Variants in CCDC57 observed in about 807,000 individuals in gnomAD.
CCDC57 encodes coiled-coil domain containing 57, also known as coiled-coil domain-containing protein 57.
A neutral mutation model predicts 118.9 loss-of-function variants in CCDC57; 118 were observed. The observed-to-expected ratio is 0.99, with a 90% confidence interval of 0.86 to 1.16. CCDC57 has a LOEUF of 1.16. CCDC57 is among the 50% of genes most tolerant of loss of function. The pLI, the probability that CCDC57 is intolerant of heterozygous loss-of-function variation, is 0.00. For synonymous variants in CCDC57, 527 were observed against 532.9 expected (o/e 0.99, Z 0.15); for missense variants, 1,300 against 1,320.7 (o/e 0.98, Z 0.24).
At chr17:82,195,120 C>T in intron 5 of CCDC57, 143 bp downstream of exon 4, 3 of 682,290 alleles carry the variant, frequency 4.4e-6, no homozygotes, top group Non-Finnish European at 7.9e-6. Flanking sequence ...ACATGGCCCA[C>T]CTGCTCGCTG....
At chr17:82,148,982 GATGGGTAGATGGATGA>G (rs2041426347) in intron 16 of CCDC57, among the ~76,000 whole-genome samples, 1 of 85,432 alleles carries the variant, frequency 1.2e-5, no homozygotes, top group Non-Finnish European at 2.3e-5. Flanking sequence ...TGGGTGGGTA[GATGGGTAGATGGATGA>G]ATGGATGGGT....
intron 5 of CCDC57, 177 bp from the exon 5 acceptor site, chr17:82,194,316 T>C (rs1008281622): frequency 3.1e-6 from 2 of 653,104 alleles, no homozygotes; most frequent in Non-Finnish European, 5.0e-6. Context: ...TGACTTTTTT[T>C]TTTTTCTTTT....
chr17:82,163,481 A>G (rs907886611), intron 13 of CCDC57, 124 bp from the exon 13 acceptor site: 36 of 1,143,108 alleles, frequency 3.1e-5, no homozygotes, highest in African/African-American at 2.0e-4. Context: ...GCTGACCCCA[A>G]TGCGAAGCTG....
At chr17:82,202,982 G>T (rs1599462870) in intron 2 of CCDC57, among the ~76,000 whole-genome samples, 1 of 152,174 alleles carries the variant, frequency 6.6e-6, no homozygotes, top group African/African-American at 2.4e-5. Context: ...CCCTGCTCCT[G>T]GAAGATTCAC....
chr17:82,175,057 T>C (rs1282481553), intron 11 of CCDC57, among the ~76,000 whole-genome samples: 1 of 152,186 alleles, frequency 6.6e-6, no homozygotes, highest in Non-Finnish European at 1.5e-5. Context: ...TGAAGGACCA[T>C]TGGTAAGAAA....
At chr17:82,186,237 C>G (rs1300437845) in intron 8 of CCDC57, among the ~76,000 whole-genome samples, 1 of 152,106 alleles carries the variant, frequency 6.6e-6, no homozygotes, top group Non-Finnish European at 1.5e-5. Flanking sequence ...TTCTTACTAC[C>G]AAAATAATAC....
chr17:82,154,174 C>G (rs1417473166), intron 15 of CCDC57: 1 of 152,362 alleles, frequency 6.6e-6, no homozygotes, highest in African/African-American at 2.4e-5. Context: ...GTCAGGGAAG[C>G]CCAAAGCCAG....
intron 19 of CCDC57, chr17:82,113,288 G>A (rs1366867510): frequency 1.5e-6 from 1 of 659,816 alleles, no homozygotes; most frequent in African/African-American, 1.8e-5. Flanking sequence ...CAGAGCACTG[G>A]TTCTTGGATT....
chr17:82,181,028 G>C (rs1001884844), intron 9 of CCDC57, among the ~76,000 whole-genome samples: 4 of 151,598 alleles, frequency 2.6e-5, no homozygotes, highest in African/African-American at 4.8e-5. Context: ...TCCCCGCAGG[G>C]ACGGCAAACC....
At chr17:82,210,984 A>C (rs2050140074) in intron 1 of CCDC57, among the ~76,000 whole-genome samples, 2 of 136,824 alleles carry the variant, frequency 1.5e-5, no homozygotes, top group South Asian at 4.8e-4. Context: ...GCAAAGAGAG[A>C]CTCCGTCTTA....
intron 19 of CCDC57, among the ~76,000 whole-genome samples, chr17:82,122,166 C>T (rs2036794169): frequency 1.3e-5 from 2 of 152,232 alleles, no homozygotes; most frequent in African/African-American, 2.4e-5. Flanking sequence ...CCGCTCCTTC[C>T]TCCTTCAGAG....
chr17:82,178,605 C>G, exon 11 of CCDC57: 1 of 1,611,484 alleles, frequency 6.2e-7, no homozygotes, highest in Non-Finnish European at 8.5e-7. Context: ...TTGGCAGCAA[C>G]CTGGGAAAAA....
chr17:82,119,444 C>T (rs1421944138), intron 19 of CCDC57, among the ~76,000 whole-genome samples: 3 of 151,912 alleles, frequency 2.0e-5, no homozygotes, highest in Non-Finnish European at 2.9e-5. Context: ...CCCCCCACCC[C>T]TGTGCACCTA....
At chr17:82,126,818 A>AGCCTAAAAT in intron 19 of CCDC57, 1 of 985,466 alleles carries the variant, frequency 1.0e-6, no homozygotes, top group Non-Finnish European at 1.2e-6. Flanking sequence ...GACTGGAAAT[A>AGCCTAAAAT]GCCTAAAATG....
intron 13 of CCDC57, among the ~76,000 whole-genome samples, chr17:82,168,629 G>C (rs1162513880): frequency 6.6e-6 from 1 of 152,104 alleles, no homozygotes; most frequent in Non-Finnish European, 1.5e-5. Flanking sequence ...ATAAAAGAGA[G>C]AGGTAGGTAA....
chr17:82,182,556 G>A (rs1206588840), intron 9 of CCDC57, among the ~76,000 whole-genome samples: 1 of 152,092 alleles, frequency 6.6e-6, no homozygotes, highest in Non-Finnish European at 1.5e-5. Flanking sequence ...GTTTTACCAT[G>A]TTGTCCAGGC....
intron 16 of CCDC57, among the ~76,000 whole-genome samples, chr17:82,136,528 A>G (rs761491290): frequency 6.6e-6 from 1 of 150,906 alleles, no homozygotes; most frequent in Non-Finnish European, 1.5e-5. Context: ...ACTGAACTGT[A>G]TACTTTGTAT....
rs2047200582 is a variant in CCDC57, at chr17:82,188,117, G to A, written c.1052+102C>T. The A allele has an allele frequency of 1.1e-5, 11 of 968,344 alleles. 1 individual carries two copies. In the South Asian group the frequency reaches 2.0e-4, roughly 18 times the overall value. 60.0% of individuals were successfully genotyped at this position (968,344 alleles called of 1,614,324 possible). On this transcript the variant is annotated intron_variant, in intron 8 of 19. Coordinates refer to ENST00000665763, the Ensembl canonical transcript of CCDC57. ...AGCTACAGAAGCCACTCTGTCTGCT[G>A]CCTGGCCCCCTTTCCTGTGGTCTGG... is the stretch of plus-strand genomic sequence containing the variant.
At chr17:82,194,832 T>C (rs1050236819) in intron 5 of CCDC57, among the ~76,000 whole-genome samples, 1 of 152,266 alleles carries the variant, frequency 6.6e-6, no homozygotes, top group Non-Finnish European at 1.5e-5. Context: ...AGCTCTTCGG[T>C]ACCTTCCTGG....
Sources: allele counts gnomAD v4.1 joint callset (sites outside exome capture counted in the v4.1 genomes callset), GRCh38; gene constraint gnomAD v4.1.1; transcripts MANE v1.5; gene names NCBI Gene and HGNC (gene_info 2026-07-23, HGNC 2026-07-21).